Variants in SGCZ observed in about 807,000 individuals in gnomAD.
SGCZ encodes the protein sarcoglycan zeta, also known as zeta-sarcoglycan.
A neutral mutation model predicts 41.3 loss-of-function variants in SGCZ; 40 were observed. The ratio of observed to expected loss-of-function variants is 0.97; its 90% CI spans 0.75 to 1.26. The LOEUF (loss-of-function observed/expected upper bound fraction) is 1.26, where lower values mean the gene tolerates loss of function less well. Ranked by LOEUF, SGCZ falls within the 50% of genes most tolerant of loss-of-function variation. The pLI is 0.00. For missense variants in SGCZ, 552 were observed against 369.8 expected (o/e 1.49, Z -4.04); for synonymous variants, 206 against 137.5 (o/e 1.50, Z -3.49).
In SGCZ at chr8:14,210,367, C is replaced by T. The variant is rs1399509706; in HGVS notation, c.424+27225G>A. Reference sequence around the variant, plus strand: ...AGCCACCATGCCTGGCCATTATTAACACTGTTTTAAAAACATCATTACCAT... The same window carrying T: ...AGCCACCATGCCTGGCCATTATTAATACTGTTTTAAAAACATCATTACCAT... On this transcript the variant is annotated intron_variant, in intron 4 of 7. Coordinates refer to ENST00000382080, the MANE Select transcript of SGCZ (RefSeq NM_139167.4). Among the ~76,000 whole-genome samples, 4 of 150,980 alleles carry T rather than the reference C, an allele frequency of 2.6e-5. No individual in the cohort carries two copies. In the East Asian group the frequency reaches 8.0e-4, roughly 30 times the overall value.
chr8:14,991,482 T>G (rs1304677776), intron 1 of SGCZ, among the ~76,000 whole-genome samples: 3 of 152,152 alleles, frequency 2.0e-5, no homozygotes, highest in Non-Finnish European at 4.4e-5. Context: ...GGGCTTTGAG[T>G]GGCTCATAAA....
chr8:14,998,870 A>G (rs1369255966), intron 1 of SGCZ, among the ~76,000 whole-genome samples: 1 of 152,190 alleles, frequency 6.6e-6, no homozygotes, highest in African/African-American at 2.4e-5. Context: ...CATCCTAGCT[A>G]TTGATATGGG....
chr8:14,448,025 G>A (rs552951351), intron 2 of SGCZ, among the ~76,000 whole-genome samples: 3 of 152,122 alleles, frequency 2.0e-5, no homozygotes, highest in African/African-American at 2.4e-5. Flanking sequence ...GTCTGAAATC[G>A]GGGTGAAAAA....
intron 1 of SGCZ, among the ~76,000 whole-genome samples, chr8:14,980,831 A>T (rs1801637348): frequency 6.6e-6 from 1 of 151,634 alleles, no homozygotes. Flanking sequence ...AAACCATATC[A>T]CTATCTATTA....
chr8:14,683,447 G>T (rs962359571), intron 1 of SGCZ, among the ~76,000 whole-genome samples: 21 of 152,088 alleles, frequency 1.4e-4, no homozygotes, highest in African/African-American at 5.1e-4. Context: ...TCCTTTAATG[G>T]CAGATATTTA....
chr8:15,140,113 A>C (rs1808267135), intron 1 of SGCZ, among the ~76,000 whole-genome samples: 1 of 151,998 alleles, frequency 6.6e-6, no homozygotes. Flanking sequence ...CATCACTCCC[A>C]GGCTCAAGCA....
intron 1 of SGCZ, among the ~76,000 whole-genome samples, chr8:14,999,630 G>A (rs1802339929): frequency 6.6e-6 from 1 of 151,532 alleles, no homozygotes; most frequent in Admixed American, 6.6e-5. Context: ...TATGCAATGT[G>A]GTGCTGCAAC....
At chr8:14,847,685 G>A (rs1455686070) in intron 1 of SGCZ, among the ~76,000 whole-genome samples, 1 of 136,898 alleles carries the variant, frequency 7.3e-6, no homozygotes, top group African/African-American at 2.7e-5. Context: ...GATGGAGGGA[G>A]GGAGGAGGGG....
At chr8:14,839,981 A>G (rs1057022142) in intron 1 of SGCZ, among the ~76,000 whole-genome samples, 4 of 152,054 alleles carry the variant, frequency 2.6e-5, no homozygotes, top group Admixed American at 1.3e-4. Context: ...CTTGTTTTTT[A>G]CTTTTATATT....
Position 14,547,025 on chromosome 8 carries a change from G to GA in SGCZ, c.234+7706dup, listed in dbSNP as rs35543580. On this transcript the variant is annotated intron_variant, in intron 2 of 7. Coordinates refer to ENST00000382080, the MANE Select transcript of SGCZ (RefSeq NM_139167.4). ...GTCTATAATGCATATAATCTTGCTG[G>GA]AAAAAAAAAAGTACCTAATATGGGC... Among the ~76,000 whole-genome samples, 734 of 147,678 alleles carry GA rather than the reference G, an allele frequency of 5.0e-3. 5 individuals carry two copies. Among genetic ancestry groups the GA allele is most frequent in the African/African-American group, 9.7e-3 (390 of 40,326 alleles).
At chr8:14,887,764 A>G (rs1804865803) in intron 1 of SGCZ, among the ~76,000 whole-genome samples, 1 of 152,166 alleles carries the variant, frequency 6.6e-6, no homozygotes. Context: ...AATGTATGAA[A>G]TCCCTTAAGA....
chr8:14,826,595 G>A (rs1202264908), intron 1 of SGCZ, among the ~76,000 whole-genome samples: 5 of 152,104 alleles, frequency 3.3e-5, no homozygotes, highest in Admixed American at 1.3e-4. Flanking sequence ...TCCAGCACCT[G>A]TTGTTTCCTG....
intron 1 of SGCZ, among the ~76,000 whole-genome samples, chr8:15,181,696 C>T (rs546006030): frequency 2.0e-5 from 3 of 152,228 alleles, no homozygotes; most frequent in African/African-American, 4.8e-5. Flanking sequence ...TTTCGAAAGT[C>T]GCTAGGGCAA....
intron 4 of SGCZ, among the ~76,000 whole-genome samples, chr8:14,184,592 T>A (rs1804842736): frequency 6.6e-6 from 1 of 152,192 alleles, no homozygotes; most frequent in African/African-American, 2.4e-5. Flanking sequence ...ACGGATTGTT[T>A]GATTATGTTA....
At chr8:14,921,541 TAA>T (rs764988002) in intron 1 of SGCZ, among the ~76,000 whole-genome samples, 2 of 144,150 alleles carry the variant, frequency 1.4e-5, no homozygotes, top group African/African-American at 2.5e-5. Context: ...AATCCCCATT[TAA>T]AAAAAAAAAA....
chr8:14,380,881 AT>A (rs1168440144), intron 2 of SGCZ, among the ~76,000 whole-genome samples: 1 of 152,078 alleles, frequency 6.6e-6, no homozygotes, highest in African/African-American at 2.4e-5. Flanking sequence ...AAAAAAAAAA[AT>A]TGTGTAATTG....
chr8:14,396,685 C>A (rs1177217854), intron 2 of SGCZ, among the ~76,000 whole-genome samples: 1 of 151,948 alleles, frequency 6.6e-6, no homozygotes, highest in Non-Finnish European at 1.5e-5. Flanking sequence ...CCTTCAAATT[C>A]TTCAGGGGTT....
chr8:14,850,991 C>A lies in SGCZ; in HGVS notation c.40-296065G>T, dbSNP rs550569061. ...ACCAGTCTTGGGCAATTCTTCATAG[C>A]TGTATGAAAACAGACTAATACAGAG... On this transcript the variant is annotated intron_variant, in intron 1 of 7. Transcript: ENST00000382080. Among the ~76,000 whole-genome samples the A allele has an allele frequency of 2.0e-5, 3 of 152,180 alleles. No homozygotes were observed. In the South Asian group the frequency reaches 6.2e-4, roughly 32 times the overall value.
At chr8:14,521,133 T>C (rs1252888799) in intron 2 of SGCZ, among the ~76,000 whole-genome samples, 1 of 152,148 alleles carries the variant, frequency 6.6e-6, no homozygotes, top group East Asian at 1.9e-4. Context: ...TGACATTGAA[T>C]AGTAAAGAGG....
Sources: gnomAD v4.1 joint callset for allele counts (sites outside exome capture counted in the v4.1 genomes callset) on GRCh38, gnomAD v4.1.1 for gene constraint, MANE v1.5 for transcripts, NCBI Gene and HGNC (gene_info 2026-07-23, HGNC 2026-07-21) for gene names.